SYBU: variants seen among roughly 807,000 people sequenced by gnomAD.
The protein encoded by SYBU is GOLSYN A protein.
In SYBU, 21 loss-of-function variants were observed where a neutral mutation model predicts 35.9. That is an observed-to-expected ratio of 0.58 (90% CI 0.41 to 0.84). The LOEUF is 0.84. Among genes scored for constraint, SYBU ranks in the 40% least tolerant of loss-of-function variants. SYBU has a pLI of 0.00. For missense variants in SYBU, 768 were observed against 848.2 expected, an observed-to-expected ratio of 0.91 and a Z score of 1.17; for synonymous variants, 319 against 324.3, an observed-to-expected ratio of 0.98 and a Z score of 0.18.
chr8:109,682,909 G>GA (rs1817434478), upstream of SYBU, among the ~76,000 whole-genome samples: 1 of 152,224 alleles, frequency 6.6e-6, no homozygotes, highest in African/African-American at 2.4e-5. Context: ...TACAGCTCTG[G>GA]ACATGACTTC....
chr8:109,607,983 T>C lies in SYBU; in HGVS notation c.427+10859A>G, dbSNP rs551579092. 2.0e-4 allele frequency: 305 copies of C among 1,533,306 alleles called. No homozygotes were observed. In the African/African-American group the frequency reaches 3.8e-3, roughly 19 times the overall value. The allele number at this position is 1,533,306 out of a possible 1,614,324, so 95.0% of individuals were successfully genotyped here. A position where few individuals can be genotyped will look rare whatever the true frequency, so the allele number is the denominator to read the frequency against. On this transcript the variant is annotated intron_variant, in intron 3 of 6. Transcript: ENST00000276646. The stretch of plus-strand genomic sequence containing the variant: ...AACAGCCTCCCAGCACAGGCTGGGG[T>C]ATGTCTTTTGCAGAAATACAGTGTG...
chr8:109,618,234 T>G (rs935215625), intron 3 of SYBU, among the ~76,000 whole-genome samples: 2 of 152,252 alleles, frequency 1.3e-5, no homozygotes, highest in Admixed American at 6.5e-5. Context: ...TAGTGCAGAT[T>G]CTGAGAATTG....
chr8:109,593,622 T>C (rs1205050091), intron 3 of SYBU, among the ~76,000 whole-genome samples: 4 of 152,232 alleles, frequency 2.6e-5, no homozygotes, highest in Non-Finnish European at 5.9e-5. Context: ...ACCAGTGTGC[T>C]GTTGAACGTG....
At chr8:109,666,348 C>G (rs1433395537) in intron 1 of SYBU, among the ~76,000 whole-genome samples, 1 of 152,170 alleles carries the variant, frequency 6.6e-6, no homozygotes, top group African/African-American at 2.4e-5. Flanking sequence ...TCTCCAGCCT[C>G]CACCCACTAG....
At chr8:109,684,525 A>G (rs552245317), upstream of SYBU, among the ~76,000 whole-genome samples, 1 of 152,376 alleles carries the variant, frequency 6.6e-6, no homozygotes, top group Non-Finnish European at 1.5e-5. Context: ...TAAGTTTAAT[A>G]TAATTGTATA....
At chr8:109,585,766 G>T (rs1823542650) in intron 4 of SYBU, 1 of 314,592 alleles carries the variant, frequency 3.2e-6, no homozygotes, top group Non-Finnish European at 5.9e-6. Context: ...TTCCTATGCA[G>T]ATGAGTACAC....
At chr8:109,578,039 A>C in intron 5 of SYBU, 22 bp from the exon 6 acceptor site, 1 of 1,593,438 alleles carries the variant, frequency 6.3e-7, no homozygotes, top group South Asian at 1.1e-5. Context: ...CAAGTAATGA[A>C]ATGTTACTTT....
intron 3 of SYBU, among the ~76,000 whole-genome samples, chr8:109,591,594 C>T (rs1269265588): frequency 7.1e-6 from 1 of 139,988 alleles, no homozygotes; most frequent in African/African-American, 2.7e-5. Flanking sequence ...TCACTGCAAG[C>T]TCCGCCTCCC....
At chr8:109,645,531 C>T (rs1815569034), upstream of SYBU, 2 of 338,616 alleles carry the variant, frequency 5.9e-6, no homozygotes, top group African/African-American at 2.1e-5. Context: ...GGGAAGAGCA[C>T]TGGAATTGAA....
At chr8:109,668,849 A>C (rs1384481179) in intron 1 of SYBU, among the ~76,000 whole-genome samples, 1 of 152,188 alleles carries the variant, frequency 6.6e-6, no homozygotes, top group Non-Finnish European at 1.5e-5. Flanking sequence ...ATTCCTCTTA[A>C]TTTGTATGAT....
rs1813472139 is a variant in SYBU, at chr8:109,630,332, G to A, written c.230-11293C>T. Among the ~76,000 whole-genome samples, 4 of 149,948 alleles carry A rather than the reference G, an allele frequency of 2.7e-5. No homozygotes were observed. In the South Asian group the frequency reaches 8.6e-4, roughly 32 times the overall value. ...AGATATACCTAATGCTAGATGACGA[G>A]TTAGTGGGTGCAGCGCACCAGCATG... On this transcript the variant is annotated intron_variant, in intron 2 of 6. Transcript: ENST00000276646.
intron 1 of SYBU, among the ~76,000 whole-genome samples, chr8:109,670,376 T>TAA (rs1287308936): frequency 6.7e-6 from 1 of 150,036 alleles, no homozygotes; most frequent in Non-Finnish European, 1.5e-5. Context: ...TAGGTATATC[T>TAA]AAAAAAAAAT....
intron 2 of SYBU, among the ~76,000 whole-genome samples, chr8:109,630,807 G>A (rs1813532746): frequency 6.6e-6 from 1 of 152,148 alleles, no homozygotes; most frequent in Non-Finnish European, 1.5e-5. Context: ...AGTGAGCCTG[G>A]GGCCCAGGGG....
At chr8:109,639,711 G>A (rs567031521) in intron 2 of SYBU, among the ~76,000 whole-genome samples, 3 of 152,306 alleles carry the variant, frequency 2.0e-5, no homozygotes, top group African/African-American at 7.2e-5. Context: ...CTTAACTGCC[G>A]TGATTAAACA....
At chr8:109,664,303 T>G (rs990502803) in intron 1 of SYBU, among the ~76,000 whole-genome samples, 2 of 151,920 alleles carry the variant, frequency 1.3e-5, no homozygotes, top group African/African-American at 4.8e-5. Context: ...TTTTATGAGG[T>G]AGGGAAGAAT....
chr8:109,597,886 G>A (rs1201180066), intron 3 of SYBU, among the ~76,000 whole-genome samples: 1 of 152,178 alleles, frequency 6.6e-6, no homozygotes, highest in Non-Finnish European at 1.5e-5. Context: ...GAGCGAGTCA[G>A]GCAATTATGG....
At chr8:109,633,594 A>T (rs1236089442) in intron 2 of SYBU, among the ~76,000 whole-genome samples, 2 of 152,188 alleles carry the variant, frequency 1.3e-5, no homozygotes, top group African/African-American at 4.8e-5. Flanking sequence ...GTTAGGAGGC[A>T]CTTTCTGCTC....
intron 2 of SYBU, among the ~76,000 whole-genome samples, chr8:109,632,473 A>G (rs754147517): frequency 5.9e-5 from 9 of 152,188 alleles, no homozygotes; most frequent in Admixed American, 2.6e-4. Flanking sequence ...TTTCTTCACA[A>G]TAAGAATCTG....
rs2131154187 is a variant in SYBU, at chr8:109,574,481, T to G, written c.*425A>C. 6.4e-6 allele frequency: 1 copy of G among 157,216 alleles called. No homozygotes were observed. The highest frequency in any genetic ancestry group is 2.1e-4 in the South Asian group (1 of 4,874). The allele number at this position is 157,216 out of a possible 1,614,324, so 9.7% of individuals were successfully genotyped here. A position where few individuals can be genotyped will look rare whatever the true frequency, so the allele number is the denominator to read the frequency against. On this transcript the variant is annotated 3_prime_UTR_variant, in exon 7 of 7. Transcript: ENST00000276646. ...CCAATTACACAAATACATGTTTATT[T>G]TTGGTTACAGTCCCCTGCTATGCAC... is the stretch of plus-strand genomic sequence containing the variant.
Sources: allele counts gnomAD v4.1 joint callset (sites outside exome capture counted in the v4.1 genomes callset), GRCh38; gene constraint gnomAD v4.1.1; transcripts MANE v1.5; gene names NCBI Gene and HGNC (gene_info 2026-07-23, HGNC 2026-07-21).